Variants in P2RX1 observed in about 807,000 individuals in gnomAD.
The protein encoded by P2RX1 is P2X purinoceptor 1.
In P2RX1, 42 loss-of-function variants were observed where a neutral mutation model predicts 50.3. That is an observed-to-expected ratio of 0.83 (90% confidence interval 0.65 to 1.08). P2RX1 has a LOEUF of 1.08. Ranked by LOEUF, P2RX1 falls within the 50% of genes least tolerant of loss-of-function variation. P2RX1 has a pLI of 0.00. For synonymous variants in P2RX1, 199 were observed against 202.6 expected (o/e 0.98, Z 0.15); for missense variants, 449 against 529.0 (o/e 0.85, Z 1.48).
At position 3,905,367 on chromosome 17, in the gene P2RX1, C is replaced by T; in HGVS notation, c.138G>A (p.Gly46=). Residue 46 remains glycine, a splice_region_variant and synonymous_variant, in exon 2 of 12, where the codon GGG becomes GGA. Coordinates refer to ENST00000225538, the MANE Select transcript of P2RX1 (RefSeq NM_002558.4). The part of the protein sequence containing the change: ...IQLVVLVYVI[G]WVFLYEKGYQ... ...AGCCCTTCTCATAGAGAAACACCCA[C>T]CTGTGCGGGTGGGGACAGAGGGGGA... The T allele has an allele frequency of 9.9e-6, 16 of 1,613,536 alleles. No individual in the cohort carries two copies. Among genetic ancestry groups the T allele is most frequent in the Non-Finnish European group, 1.4e-5 (16 of 1,180,014 alleles).
intron 1 of P2RX1, chr17:3,915,837 G>A (rs972934276): frequency 6.3e-6 from 4 of 638,100 alleles, no homozygotes; most frequent in African/African-American, 3.6e-5. Context: ...ACACTGAGCC[G>A]GCTCCTCAGA....
At chr17:3,910,290 G>T (rs368552287) in intron 1 of P2RX1, among the ~76,000 whole-genome samples, 1 of 152,074 alleles carries the variant, frequency 6.6e-6, no homozygotes, top group African/African-American at 2.4e-5. Flanking sequence ...AATCTATTTC[G>T]TGCCAAGCAC....
rs1487525313 is a variant in P2RX1, at chr17:3,903,524, G to C, written c.605+27C>G. ...CCGGAGCGGCCCCGGCCAGCTGCCT[G>C]CATTTCTGCCCGAATTTCCCACGCA... is the stretch of plus-strand genomic sequence containing the variant. On this transcript the variant is annotated intron_variant, in intron 6 of 11. Transcript: ENST00000225538. This position sits in a 1 kb window ranked among gnomAD's most constrained non-coding sequence, Gnocchi z 4.6. The C allele has an allele frequency of 1.7e-5, 27 of 1,610,382 alleles. No homozygotes were observed. The highest frequency in any genetic ancestry group is 2.2e-5 in the Non-Finnish European group (26 of 1,176,900).
chr17:3,901,533 G>A (rs750516729), intron 7 of P2RX1, among the ~76,000 whole-genome samples: 1 of 152,220 alleles, frequency 6.6e-6, no homozygotes, highest in South Asian at 2.1e-4. Context: ...TTCCACAGCT[G>A]ACTTGGGTAG....
rs563771384 is a variant in P2RX1, at chr17:3,903,617, C to T, written c.539G>A (p.Arg180Gln). 1.7e-5 allele frequency: 27 copies of T among 1,613,990 alleles called. No individual in the cohort carries two copies. In the East Asian group the frequency reaches 3.1e-4, roughly 19 times the overall value. Reference sequence around the variant, plus strand: ...GAAAAGAGTGAAGTTCTCGGCCTCTCGGAGAAGGGCAGGGCTGGAGGACAC... The same window carrying T: ...GAAAAGAGTGAAGTTCTCGGCCTCTTGGAGAAGGGCAGGGCTGGAGGACAC... Reference protein sequence around the residue: ...DDDIPRPALLREAENFTLFIK... With the variant: ...DDDIPRPALLQEAENFTLFIK... Residue 180 changes from arginine to glutamine, a missense_variant, in exon 6 of 12, where the codon CGA (arginine) becomes CAA (glutamine). Transcript: ENST00000225538. This position sits in a 1 kb window ranked among gnomAD's most constrained non-coding sequence, Gnocchi z 4.6.
rs1478960397 is a variant in P2RX1, at chr17:3,914,700, T to A, written c.137+1389A>T. Among the ~76,000 whole-genome samples, 1 of 152,104 alleles carries A rather than the reference T, an allele frequency of 6.6e-6. No homozygotes were observed. The highest frequency in any genetic ancestry group is 2.4e-5 in the African/African-American group (1 of 41,408). ...CCAGTAGAAAGGATCCACAGCCCCT[T>A]GTGATGGTGAGGAAGGAGAAGGCAC... On this transcript the variant is annotated intron_variant, in intron 1 of 11. Transcript: ENST00000225538. The surrounding 1 kb of genome is among the most constrained non-coding windows in gnomAD (Gnocchi z 4.1).
intron 1 of P2RX1, among the ~76,000 whole-genome samples, 178 bp from the exon 2 acceptor site, chr17:3,905,545 T>C (rs1360063710): frequency 6.6e-6 from 1 of 152,154 alleles, no homozygotes; most frequent in Admixed American, 6.5e-5. Flanking sequence ...GGCCTGAAGT[T>C]CCACGGTGCT....
At chr17:3,904,456 C>T (rs945831162) in intron 3 of P2RX1, 57 bp from the exon 4 acceptor site, 8 of 1,473,706 alleles carry the variant, frequency 5.4e-6, no homozygotes, top group Non-Finnish European at 7.5e-6. Context: ...CTGAGAAGAG[C>T]CCCTCTCCCC....
rs2056076710 is a variant in P2RX1, at chr17:3,898,556, G to A, written c.967-7C>T. The A allele has an allele frequency of 1.2e-6, 2 of 1,611,936 alleles. No individual in the cohort carries two copies. The highest frequency in any genetic ancestry group is 1.7e-6 in the Non-Finnish European group (2 of 1,178,182). Reference sequence around the variant, plus strand: ...TGATGTCAAACTTCCCGGCCTGGTGGCAGGACCCAGGGAGAGAAGGGCTAA... The same window carrying A: ...TGATGTCAAACTTCCCGGCCTGGTGACAGGACCCAGGGAGAGAAGGGCTAA... On this transcript the variant is annotated splice_region_variant and splice_polypyrimidine_tract_variant and intron_variant, in intron 9 of 11. Transcript: ENST00000225538.
intron 1 of P2RX1, among the ~76,000 whole-genome samples, chr17:3,906,535 T>C (rs2056267946): frequency 6.6e-6 from 1 of 152,226 alleles, no homozygotes; most frequent in African/African-American, 2.4e-5. Flanking sequence ...TTAGTTGTTA[T>C]TATGATCCAG....
At chr17:3,900,836 C>A (rs1160345397) in intron 7 of P2RX1, among the ~76,000 whole-genome samples, 1 of 152,158 alleles carries the variant, frequency 6.6e-6, no homozygotes, top group Non-Finnish European at 1.5e-5. Context: ...GTGTGGGAGG[C>A]AAGCAGACAA....
intron 7 of P2RX1, among the ~76,000 whole-genome samples, chr17:3,901,745 G>A (rs1264660312): frequency 1.3e-5 from 2 of 152,244 alleles, no homozygotes; most frequent in African/African-American, 2.4e-5. Context: ...GCTGCCAGGT[G>A]TACAGGCTTC....
At chr17:3,911,855 G>A (rs552790821) in intron 1 of P2RX1, among the ~76,000 whole-genome samples, 5 of 152,264 alleles carry the variant, frequency 3.3e-5, no homozygotes, top group South Asian at 4.1e-4. Flanking sequence ...GGGTGGGCAC[G>A]CAACCAGGCT....
intron 1 of P2RX1, 81 bp from the exon 2 acceptor site, chr17:3,905,448 A>G (rs911259977): frequency 1.3e-6 from 2 of 1,527,494 alleles, no homozygotes; most frequent in Non-Finnish European, 1.8e-6. Context: ...CCCTCCCCAG[A>G]TGTGCCTCTG....
chr17:3,908,854 G>A (rs993210264), intron 1 of P2RX1, among the ~76,000 whole-genome samples: 4 of 152,144 alleles, frequency 2.6e-5, no homozygotes, highest in African/African-American at 9.7e-5. Flanking sequence ...CCAGCTGTGT[G>A]GCTTCAGGCT....
chr17:3,901,814 G>GGCTTCCCACGTGCCAGGCAGCGAGGCAC (rs1404425740), intron 7 of P2RX1, among the ~76,000 whole-genome samples: 1 of 152,092 alleles, frequency 6.6e-6, no homozygotes, highest in Non-Finnish European at 1.5e-5. Context: ...CAGGTGTATA[G>GGCTTCCCACGTGCCAGGCAGCGAGGCAC]GCTTCCCACG....
rs931370879 is a variant in P2RX1 at position 3,897,459 on chromosome 17, C to A, written c.*355G>T. 21 of 397,372 alleles carry A rather than the reference C, an allele frequency of 5.3e-5. No homozygotes were observed. The highest frequency in any genetic ancestry group is 3.8e-4 in the African/African-American group (19 of 49,730). 24.6% of individuals were successfully genotyped at this position (397,372 alleles called of 1,614,324 possible). On this transcript the variant is annotated 3_prime_UTR_variant, in exon 12 of 12. Transcript: ENST00000225538. ...CACCTATGGTTACTGACTGCCACAT[C>A]GGAGAGCACAGATCTAGAGAAATGG...
chr17:3,899,686 C>A lies in P2RX1; in HGVS notation c.823G>T (p.Glu275Ter). ...TTCTCTTCGTACAGCCCATGGAACT[C>A]ATAGATGGGTCTGCAGTGCCGTACG... Reference protein sequence around the residue: ...WHVRHCRPIYEFHGLYEEKNL... With the variant: ...WHVRHCRPIY Residue 275 changes from glutamate to a stop codon, truncating the protein, a stop_gained, in exon 8 of 12, where the codon GAG becomes TAG. Transcript: ENST00000225538. LOFTEE classifies it high-confidence loss of function. The A allele has an allele frequency of 6.2e-7, 1 of 1,614,006 alleles. No homozygotes were observed. The highest frequency in any genetic ancestry group is 2.2e-5 in the East Asian group (1 of 44,880).
In P2RX1 at chr17:3,916,444, G is replaced by T. The variant is rs1167392065; in HGVS notation, c.-219C>A. The stretch of plus-strand genomic sequence containing the variant: ...TCCCTGGGTGATCAGAGCAGCTCTT[G>T]GCCCCTGGAAGGCAACAGACTGCAG... On this transcript the variant is annotated 5_prime_UTR_variant, in exon 1 of 12. Coordinates refer to ENST00000225538, the MANE Select transcript of P2RX1 (RefSeq NM_002558.4). 1 of 555,830 alleles carries T rather than the reference G, an allele frequency of 1.8e-6. No homozygotes were observed. Among genetic ancestry groups the T allele is most frequent in the Non-Finnish European group, 3.2e-6 (1 of 313,502 alleles). 34.4% of individuals were successfully genotyped at this position (555,830 alleles called of 1,614,324 possible).
Sources: gnomAD v4.1 joint callset for allele counts (sites outside exome capture counted in the v4.1 genomes callset) on GRCh38, gnomAD v4.1.1 for gene constraint, Gnocchi (gnomAD v3.1) non-coding constraint, MANE v1.5 for transcripts, NCBI Gene and HGNC (gene_info 2026-07-23, HGNC 2026-07-21) for gene names.